The following PHKB variants were observed in gnomAD, a reference collection of about 807,000 sequenced individuals.
The protein encoded by PHKB is phosphorylase b kinase regulatory subunit beta.
Under a neutral mutation model 152.1 loss-of-function variants are expected in PHKB, and 122 were observed. The observed-to-expected ratio is 0.80, with a 90% CI of 0.69 to 0.93. The LOEUF is 0.93. PHKB is among the 40% of genes least tolerant of loss of function. The pLI is 0.00. For missense variants in PHKB, 1,304 were observed against 1,328.4 expected (o/e 0.98, Z 0.29); for synonymous variants, 436 against 464.9 (o/e 0.94, Z 0.80).
chr16:47,479,074 A>AT (rs1162629164), intron 1 of PHKB, among the ~76,000 whole-genome samples: 3 of 152,048 alleles, frequency 2.0e-5, no homozygotes, highest in Non-Finnish European at 2.9e-5. Flanking sequence ...ACTTGTTAAT[A>AT]TTTTTTTCTG....
rs1973597008 is a variant in PHKB, at chr16:47,669,356, A to G, written c.2569A>G (p.Ile857Val). Residue 857 changes from isoleucine to valine, a missense_variant, in exon 26 of 31, where the codon ATT (isoleucine) becomes GTT (valine). By Grantham distance (29) the Ile-to-Val change is conservative. Coordinates refer to ENST00000323584, the MANE Select transcript of PHKB (RefSeq NM_000293.3). ...AVIQQELVIH[I>V]GWIISNNPEL... ...CATTCAGCAAGAACTGGTCATCCATATTGGCTGGATCATCTCCAATAACCC... is the reference window on the plus strand; with the variant it reads ...CATTCAGCAAGAACTGGTCATCCATGTTGGCTGGATCATCTCCAATAACCC... 2 of 1,614,188 alleles carry G rather than the reference A, an allele frequency of 1.2e-6. No homozygotes were observed. The highest frequency in any genetic ancestry group is 8.5e-7 in the Non-Finnish European group (1 of 1,180,008).
At chr16:47,482,386 T>C (rs2151634295) in intron 1 of PHKB, among the ~76,000 whole-genome samples, 1 of 152,382 alleles carries the variant, frequency 6.6e-6, no homozygotes, top group South Asian at 2.1e-4. Context: ...TTATTTACAG[T>C]CAGCTTACTT....
At chr16:47,654,169 G>C (rs997830301) in intron 20 of PHKB, among the ~76,000 whole-genome samples, 1 of 152,170 alleles carries the variant, frequency 6.6e-6, no homozygotes, top group Non-Finnish European at 1.5e-5. Flanking sequence ...AGATATTAGA[G>C]TTATCAGACA....
At chr16:47,566,729 G>C (rs903103253) in intron 7 of PHKB, 75 of 764,618 alleles carry the variant, frequency 9.8e-5, no homozygotes, top group Admixed American at 8.6e-4. Context: ...CATCATTACT[G>C]TTCCAAGTTG....
At chr16:47,480,813 C>T (rs1186107420) in intron 1 of PHKB, among the ~76,000 whole-genome samples, 3 of 151,878 alleles carry the variant, frequency 2.0e-5, no homozygotes, top group African/African-American at 7.3e-5. Context: ...TTTCGTATTA[C>T]ATAAAAAACT....
chr16:47,583,293 G>C (rs1006637182), intron 8 of PHKB, among the ~76,000 whole-genome samples: 1 of 152,096 alleles, frequency 6.6e-6, no homozygotes, highest in Non-Finnish European at 1.5e-5. Context: ...TTAATAATGT[G>C]CCTGCTAAAC....
intron 20 of PHKB, among the ~76,000 whole-genome samples, chr16:47,657,735 A>T (rs1973364328): frequency 2.0e-5 from 3 of 152,190 alleles, no homozygotes. Flanking sequence ...AGGCTAATAA[A>T]ATGGAAATTA....
At chr16:47,637,859 G>A (rs1972949000) in intron 14 of PHKB, among the ~76,000 whole-genome samples, 1 of 152,196 alleles carries the variant, frequency 6.6e-6, no homozygotes. Flanking sequence ...AAAGCTGGGT[G>A]ATCCAAGATC....
chr16:47,604,903 C>G (rs997153455), intron 13 of PHKB, among the ~76,000 whole-genome samples: 9 of 152,138 alleles, frequency 5.9e-5, no homozygotes, highest in Non-Finnish European at 2.9e-5. Context: ...AAGCCATTAT[C>G]TCTTACCCTC....
At chr16:47,665,055 T>C (rs2151738948) in intron 25 of PHKB, 80 bp downstream of exon 25, 5 of 897,546 alleles carry the variant, frequency 5.6e-6, no homozygotes, top group Non-Finnish European at 9.3e-6. Flanking sequence ...AATATGTCTT[T>C]TGGTCTTATA....
Position 47,660,505 on chromosome 16 carries a change from G to C in PHKB, c.1972-1G>C. ...TCTAATCTTTTTCGATCACGTTTCA[G>C]ACACTAATATCTGGAGCTGTGGTAG... On this transcript the variant is annotated splice_acceptor_variant, in intron 20 of 30. Coordinates refer to ENST00000323584, the MANE Select transcript of PHKB (RefSeq NM_000293.3). LOFTEE classifies it high-confidence loss of function. 1 of 1,612,380 alleles carries C rather than the reference G, an allele frequency of 6.2e-7. No individual in the cohort carries two copies. Among genetic ancestry groups the C allele is most frequent in the African/African-American group, 1.3e-5 (1 of 75,002 alleles).
At chr16:47,613,012 C>T (rs1972455334) in intron 14 of PHKB, among the ~76,000 whole-genome samples, 1 of 152,106 alleles carries the variant, frequency 6.6e-6, no homozygotes, top group South Asian at 2.1e-4. Context: ...TTTGGGAATT[C>T]ACTAGGTGCT....
intron 29 of PHKB, among the ~76,000 whole-genome samples, chr16:47,697,761 A>G (rs1038360096): frequency 1.3e-5 from 2 of 152,250 alleles, no homozygotes; most frequent in Admixed American, 6.5e-5. Context: ...ATATGCAGAT[A>G]TTATTTTTGC....
intron 13 of PHKB, among the ~76,000 whole-genome samples, chr16:47,600,883 G>A (rs1291833342): frequency 1.3e-5 from 2 of 152,196 alleles, no homozygotes; most frequent in Admixed American, 6.5e-5. Context: ...AGTGGCTCAC[G>A]CCTGTGTCCC....
chr16:47,634,469 T>A (rs554339994), intron 14 of PHKB, among the ~76,000 whole-genome samples: 1 of 152,302 alleles, frequency 6.6e-6, no homozygotes, highest in African/African-American at 2.4e-5. Context: ...GGAGGTACTT[T>A]CTGAAGGGAA....
At chr16:47,665,831 T>A in intron 25 of PHKB, 1 of 783,092 alleles carries the variant, frequency 1.3e-6, no homozygotes, top group Non-Finnish European at 2.3e-6. Context: ...CTCCAAATGA[T>A]GATGTGAGGA....
chr16:47,602,515 T>A (rs2151705086), intron 13 of PHKB, among the ~76,000 whole-genome samples: 1 of 151,506 alleles, frequency 6.6e-6, no homozygotes, highest in African/African-American at 2.4e-5. Context: ...CTTTTTCTTC[T>A]ACTTTCTCCC....
chr16:47,499,755 G>C lies in PHKB; in HGVS notation c.167-1G>C, dbSNP rs1970292378. On this transcript the variant is annotated splice_acceptor_variant, in intron 2 of 30. Coordinates refer to ENST00000323584, the MANE Select transcript of PHKB (RefSeq NM_000293.3). LOFTEE classifies it high-confidence loss of function. ...ATTCTTTGTCTTGTCCTCAATTGCA[G>C]TCAAGTCAACATTGCTGCTGTATCA... The C allele has an allele frequency of 6.2e-7, 1 of 1,614,184 alleles. No individual in the cohort carries two copies. The highest frequency in any genetic ancestry group is 8.5e-7 in the Non-Finnish European group (1 of 1,179,994).
At chr16:47,510,279 T>G (rs1970488537) in intron 4 of PHKB, among the ~76,000 whole-genome samples, 1 of 152,164 alleles carries the variant, frequency 6.6e-6, no homozygotes, top group Non-Finnish European at 1.5e-5. Context: ...ATTGACTCAA[T>G]CACCAGCTTT....
Sources: gnomAD v4.1 joint callset for allele counts (sites outside exome capture counted in the v4.1 genomes callset) on GRCh38, gnomAD v4.1.1 for gene constraint, MANE v1.5 for transcripts, NCBI Gene and HGNC (gene_info 2026-07-23, HGNC 2026-07-21) for gene names.